Variants in GRHL2 observed in about 807,000 individuals in gnomAD.
GRHL2 encodes grainyhead like transcription factor 2, also known as grainyhead-like protein 2 homolog.
Under a neutral mutation model 83.8 loss-of-function variants are expected in GRHL2, and 21 were observed. The observed-to-expected ratio is 0.25, with a 90% CI of 0.18 to 0.36. The LOEUF (loss-of-function observed/expected upper bound fraction) is 0.36, where lower values mean the gene tolerates loss of function less well. Among genes scored for constraint, GRHL2 ranks in the 10% least tolerant of loss-of-function variants. The pLI is 1.00. For missense variants in GRHL2, 623 were observed against 781.8 expected (o/e 0.80, Z 2.42); for synonymous variants, 280 against 278.9 (o/e 1.00, Z -0.04).
chr8:101,644,316 G>A (rs1469147966), intron 13 of GRHL2, 91 bp downstream of exon 13: 1 of 975,514 alleles, frequency 1.0e-6, no homozygotes, highest in Non-Finnish European at 1.6e-6. Flanking sequence ...AGGCCCCCAT[G>A]GCTCTGTGCC....
chr8:101,544,308 C>T (rs1811216154), intron 2 of GRHL2, among the ~76,000 whole-genome samples: 1 of 152,188 alleles, frequency 6.6e-6, no homozygotes, highest in Non-Finnish European at 1.5e-5. Flanking sequence ...ATTTCAACAC[C>T]TAATTTTGTT....
At chr8:101,522,683 C>T (rs367985699) in intron 1 of GRHL2, among the ~76,000 whole-genome samples, 133 of 144,388 alleles carry the variant, frequency 9.2e-4, no homozygotes, top group Middle Eastern at 7.2e-3. Flanking sequence ...AAAATGAGTA[C>T]CTCAGGCCAT....
chr8:101,665,962 C>A (rs1814044695), intron 15 of GRHL2, among the ~76,000 whole-genome samples: 2 of 152,146 alleles, frequency 1.3e-5, no homozygotes, highest in South Asian at 4.1e-4. Context: ...TGGTAAAGTA[C>A]AAGTGTCAGA....
intron 4 of GRHL2, among the ~76,000 whole-genome samples, chr8:101,562,664 T>C (rs1193960622): frequency 6.6e-6 from 1 of 152,242 alleles, no homozygotes; most frequent in African/African-American, 2.4e-5. Flanking sequence ...TGAATTGCCT[T>C]GGGATCTTGG....
At chr8:101,494,369 G>C (rs2129945929) in intron 1 of GRHL2, among the ~76,000 whole-genome samples, 1 of 152,296 alleles carries the variant, frequency 6.6e-6, no homozygotes, top group East Asian at 1.9e-4. Context: ...GTTGTACCCC[G>C]TTAGCCACCG....
chr8:101,561,109 A>G (rs1000448078), intron 4 of GRHL2, among the ~76,000 whole-genome samples: 2 of 150,530 alleles, frequency 1.3e-5, no homozygotes, highest in African/African-American at 4.9e-5. Context: ...TTAGATGTTT[A>G]TTAGTTTCAT....
intron 1 of GRHL2, 37 bp downstream of exon 1, chr8:101,492,826 A>C (rs760105196): frequency 6.2e-7 from 1 of 1,604,652 alleles, no homozygotes; most frequent in South Asian, 1.1e-5. Context: ...TGCTACTACT[A>C]CCACTTTGGG....
At chr8:101,624,524 A>G in intron 9 of GRHL2, among the ~76,000 whole-genome samples, 1 of 151,548 alleles carries the variant, frequency 6.6e-6, no homozygotes, top group East Asian at 1.9e-4. Context: ...AGTTCACAGT[A>G]AGACAGTTCA....
At chr8:101,619,451 G>A in intron 8 of GRHL2, 88 bp from the exon 9 acceptor site, 4 of 1,131,682 alleles carry the variant, frequency 3.5e-6, no homozygotes, top group Non-Finnish European at 5.3e-6. Flanking sequence ...GGGTTGTTTA[G>A]TATTTTGACT....
At chr8:101,624,315 A>G (rs920874399) in intron 9 of GRHL2, among the ~76,000 whole-genome samples, 1 of 151,620 alleles carries the variant, frequency 6.6e-6, no homozygotes, top group Non-Finnish European at 1.5e-5. Flanking sequence ...TCAGTAGGAC[A>G]GTTTCCATGA....
intron 8 of GRHL2, among the ~76,000 whole-genome samples, chr8:101,610,382 C>T (rs1351577215): frequency 6.6e-6 from 1 of 150,670 alleles, no homozygotes; most frequent in East Asian, 1.9e-4. Flanking sequence ...AGTAATCCTA[C>T]AGGAAGGAGG....
intron 4 of GRHL2, among the ~76,000 whole-genome samples, chr8:101,562,987 T>C (rs1414111995): frequency 6.6e-6 from 1 of 152,222 alleles, no homozygotes; most frequent in Non-Finnish European, 1.5e-5. Context: ...AGCTTGAGAT[T>C]TCATCTTTAA....
chr8:101,617,304 G>A (rs1027059421), intron 8 of GRHL2, among the ~76,000 whole-genome samples: 1 of 152,036 alleles, frequency 6.6e-6, no homozygotes, highest in Non-Finnish European at 1.5e-5. Context: ...CCTGTCATCT[G>A]GCCTGATTGG....
At chr8:101,608,113 G>A (rs1412906319) in intron 8 of GRHL2, among the ~76,000 whole-genome samples, 2 of 152,154 alleles carry the variant, frequency 1.3e-5, no homozygotes, top group Non-Finnish European at 2.9e-5. Context: ...CATATACCAG[G>A]CACTCTGCCA....
chr8:101,582,635 C>T (rs533838425), intron 7 of GRHL2, among the ~76,000 whole-genome samples: 1 of 152,312 alleles, frequency 6.6e-6, no homozygotes, highest in East Asian at 1.9e-4. Context: ...TGATTCTTGA[C>T]ACCTCAGTCC....
intron 4 of GRHL2, among the ~76,000 whole-genome samples, chr8:101,564,448 G>A (rs1222237176): frequency 1.3e-5 from 2 of 152,168 alleles, no homozygotes; most frequent in African/African-American, 4.8e-5. Context: ...CACAGTGGTA[G>A]CAGGGAAGGG....
chr8:101,532,144 T>C (rs1235989015), intron 1 of GRHL2, among the ~76,000 whole-genome samples: 2 of 152,258 alleles, frequency 1.3e-5, no homozygotes, highest in Non-Finnish European at 2.9e-5. Flanking sequence ...GGAGGGATAT[T>C]GCTGAAAGCA....
intron 1 of GRHL2, among the ~76,000 whole-genome samples, chr8:101,501,538 C>T (rs1810229019): frequency 6.6e-6 from 1 of 152,128 alleles, no homozygotes; most frequent in Non-Finnish European, 1.5e-5. Flanking sequence ...CAGGAAGAAA[C>T]TGCTTAACTA....
chr8:101,547,744 A>G (rs1196004855), intron 2 of GRHL2, among the ~76,000 whole-genome samples: 1 of 152,220 alleles, frequency 6.6e-6, no homozygotes, highest in Non-Finnish European at 1.5e-5. Context: ...AAATTTTAAA[A>G]GTATGCATTT....
Sources: allele counts gnomAD v4.1 joint callset (sites outside exome capture counted in the v4.1 genomes callset), GRCh38; gene constraint gnomAD v4.1.1; transcripts MANE v1.5; gene names NCBI Gene and HGNC (gene_info 2026-07-23, HGNC 2026-07-21).